The following SYCP1 variants were observed in gnomAD, a reference collection of about 807,000 sequenced individuals.
The protein encoded by SYCP1 is synaptonemal complex protein 1, also known as cancer/testis antigen 8.
SYCP1 carries 64 observed loss-of-function variants against 153.1 expected under a neutral mutation model. The observed-to-expected ratio is 0.42, with a 90% confidence interval of 0.34 to 0.51. The LOEUF (loss-of-function observed/expected upper bound fraction) is 0.51. SYCP1 is among the 20% of genes least tolerant of loss of function. The probability of loss-of-function intolerance (pLI) is 0.06; values close to 1 mark genes in which losing one functional copy is unlikely to be tolerated. For missense variants in SYCP1, 997 were observed against 1,049.0 expected, an observed-to-expected ratio of 0.95 and a Z score of 0.68; for synonymous variants, 384 against 341.8, an observed-to-expected ratio of 1.12 and a Z score of -1.36.
intron 22 of SYCP1, 62 bp downstream of exon 22, chr1:114,926,402 A>G: frequency 1.3e-6 from 2 of 1,490,158 alleles, no homozygotes; most frequent in East Asian, 4.8e-5. Context: ...GTTTTAGAGA[A>G]TAATGCTTTC....
At chr1:114,983,385 T>C (rs1673290612) in intron 29 of SYCP1, among the ~76,000 whole-genome samples, 1 of 151,986 alleles carries the variant, frequency 6.6e-6, no homozygotes. Context: ...CGTTTGTTGT[T>C]TTTGACAAAT....
intron 27 of SYCP1, among the ~76,000 whole-genome samples, chr1:114,968,315 C>A (rs558149186): frequency 6.6e-6 from 1 of 152,296 alleles, no homozygotes; most frequent in Non-Finnish European, 1.5e-5. Flanking sequence ...TCAGGTACAC[C>A]AATCAAATGT....
chr1:114,941,009 A>C (rs1670348294), intron 23 of SYCP1, among the ~76,000 whole-genome samples: 1 of 151,822 alleles, frequency 6.6e-6, no homozygotes, highest in Non-Finnish European at 1.5e-5. Context: ...CATACGATAG[A>C]ACTTTATGTG....
chr1:114,935,810 T>C (rs926552576), intron 23 of SYCP1, among the ~76,000 whole-genome samples: 1 of 152,088 alleles, frequency 6.6e-6, no homozygotes, highest in African/African-American at 2.4e-5. Flanking sequence ...CTAGAAGAAA[T>C]GGACAAATTC....
chr1:114,896,529 A>G (rs568593552), intron 16 of SYCP1, among the ~76,000 whole-genome samples: 1 of 152,192 alleles, frequency 6.6e-6, no homozygotes, highest in Admixed American at 6.5e-5. Flanking sequence ...TTTTGGTATT[A>G]TTATTTAAGG....
intron 25 of SYCP1, 51 bp from the exon 26 acceptor site, chr1:114,946,238 A>G (rs1480035827): frequency 4.6e-6 from 4 of 877,612 alleles, no homozygotes; most frequent in African/African-American, 3.6e-5. Flanking sequence ...TACCAATCTT[A>G]TAATCTATTC....
intron 7 of SYCP1, 119 bp from the exon 8 acceptor site, chr1:114,860,617 A>G (rs1437477197): frequency 6.2e-6 from 4 of 644,564 alleles, no homozygotes; most frequent in African/African-American, 3.8e-5. Flanking sequence ...GATGTATGCC[A>G]AAGATTATAA....
rs150787528 is a variant in SYCP1, at chr1:114,879,892, C to T, written c.910+1690C>T. Among the ~76,000 whole-genome samples, 42 of 152,226 alleles carry T rather than the reference C, an allele frequency of 2.8e-4. No individual in the cohort carries two copies. The East Asian group carries it at 7.5e-3, about 27-fold the overall frequency. ...TTGCTTTAAATCTATCTACTGAATT[C>T]TTAACTTTAAATGAATCATGTATTT... is the stretch of plus-strand genomic sequence containing the variant. On this transcript the variant is annotated intron_variant, in intron 12 of 31. Coordinates refer to ENST00000369522, the MANE Select transcript of SYCP1 (RefSeq NM_003176.4).
chr1:114,919,103 T>G (rs1235308534), intron 20 of SYCP1, among the ~76,000 whole-genome samples: 1 of 152,082 alleles, frequency 6.6e-6, no homozygotes, highest in Non-Finnish European at 1.5e-5. Context: ...AGGAAAGACC[T>G]TCAGTGTTTC....
chr1:114,966,679 T>A (rs1672150248), intron 27 of SYCP1, among the ~76,000 whole-genome samples: 1 of 151,524 alleles, frequency 6.6e-6, no homozygotes, highest in Admixed American at 6.6e-5. Flanking sequence ...GTTTTCTTTT[T>A]TCTTTCTTTC....
chr1:114,975,344 G>A (rs561917928), intron 27 of SYCP1, among the ~76,000 whole-genome samples: 1 of 151,490 alleles, frequency 6.6e-6, no homozygotes, highest in Admixed American at 6.6e-5. Context: ...GTGTGTGTGT[G>A]TGTGTGTGTG....
chr1:114,921,249 G>A (rs1000478925), intron 20 of SYCP1, among the ~76,000 whole-genome samples: 1 of 151,996 alleles, frequency 6.6e-6, no homozygotes, highest in African/African-American at 2.4e-5. Context: ...AATAAACAAA[G>A]AGAAAACTAA....
intron 28 of SYCP1, 57 bp downstream of exon 28, chr1:114,977,673 T>C (rs959646442): frequency 7.3e-6 from 8 of 1,100,648 alleles, no homozygotes; most frequent in Non-Finnish European, 1.0e-5. Context: ...TAACTTCTAC[T>C]TAGAAATGAT....
intron 23 of SYCP1, among the ~76,000 whole-genome samples, chr1:114,933,482 G>C (rs1669775345): frequency 6.6e-6 from 1 of 152,188 alleles, no homozygotes; most frequent in Non-Finnish European, 1.5e-5. Context: ...GTAAAAATCA[G>C]AGTGCCTCTT....
At chr1:114,885,461 G>A in intron 12 of SYCP1, 74 bp from the exon 13 acceptor site, 1 of 860,066 alleles carries the variant, frequency 1.2e-6, no homozygotes. Context: ...AAGACTAATT[G>A]TCACAAATAA....
intron 27 of SYCP1, among the ~76,000 whole-genome samples, chr1:114,968,970 G>A (rs1354561375): frequency 6.6e-6 from 1 of 152,176 alleles, no homozygotes; most frequent in African/African-American, 2.4e-5. Context: ...TGCTGGGGGT[G>A]TACTCCAGAC....
chr1:114,918,421 T>C (rs1668650278), intron 20 of SYCP1, among the ~76,000 whole-genome samples: 2 of 152,268 alleles, frequency 1.3e-5, no homozygotes, highest in Admixed American at 6.5e-5. Flanking sequence ...AATCAGGTAA[T>C]GTAATTCCTC....
chr1:114,896,264 T>C (rs1378270468), intron 16 of SYCP1, among the ~76,000 whole-genome samples: 2 of 152,218 alleles, frequency 1.3e-5, no homozygotes, highest in African/African-American at 4.8e-5. Flanking sequence ...CTTCTGTCCC[T>C]TGGGGAGCAT....
At chr1:114,962,006 C>G (rs72695837) in intron 27 of SYCP1, among the ~76,000 whole-genome samples, 8,835 of 124,850 alleles carry the variant, frequency 0.071, 307 homozygotes, top group Middle Eastern at 0.16. Context: ...GAGATGGAGT[C>G]TTACCTTTTT....
Sources: allele counts gnomAD v4.1 joint callset (sites outside exome capture counted in the v4.1 genomes callset), GRCh38; gene constraint gnomAD v4.1.1; transcripts MANE v1.5; gene names NCBI Gene and HGNC (gene_info 2026-07-23, HGNC 2026-07-21).